The following PLXNA4 variants were observed in gnomAD, a reference collection of about 807,000 sequenced individuals.
PLXNA4 encodes the protein plexin A4.
A neutral mutation model predicts 191.8 loss-of-function variants in PLXNA4; 44 were observed. That is an observed-to-expected ratio of 0.23 (90% CI 0.18 to 0.29). The LOEUF is 0.29. PLXNA4 is among the 10% of genes least tolerant of loss of function. The pLI is 1.00. For synonymous variants in PLXNA4, 1,082 were observed against 1,009.5 expected, an observed-to-expected ratio of 1.07 and a Z score of -1.36; for missense variants, 1,800 against 2,488.8, an observed-to-expected ratio of 0.72 and a Z score of 5.89.
intron 1 of PLXNA4, among the ~76,000 whole-genome samples, chr7:132,537,515 T>C (rs966638745): frequency 1.3e-5 from 2 of 152,244 alleles, no homozygotes; most frequent in African/African-American, 4.8e-5. Context: ...TCAAAAAAGT[T>C]AAGATGTGCT....
intron 1 of PLXNA4, among the ~76,000 whole-genome samples, chr7:132,535,929 G>A (rs1206966969): frequency 1.3e-5 from 2 of 152,120 alleles, no homozygotes; most frequent in African/African-American, 4.8e-5. Context: ...GAAAAACTGG[G>A]GTTTACAGAG....
At chr7:132,311,195 C>CGTGCGT (rs1554411090) in intron 3 of PLXNA4, among the ~76,000 whole-genome samples, 1,290 of 118,818 alleles carry the variant, frequency 0.011, 28 homozygotes, top group African/African-American at 0.04. Flanking sequence ...TGTGTGTGTG[C>CGTGCGT]GCGTGTGGCC....
chr7:132,178,695 A>AACACAC (rs1796558449), intron 20 of PLXNA4, among the ~76,000 whole-genome samples: 1 of 90,798 alleles, frequency 1.1e-5, no homozygotes, highest in Non-Finnish European at 2.1e-5. Context: ...TTGTAAATGA[A>AACACAC]ACACATACAC....
At chr7:132,405,806 C>T (rs980821508) in intron 3 of PLXNA4, among the ~76,000 whole-genome samples, 1 of 152,172 alleles carries the variant, frequency 6.6e-6, no homozygotes, top group Admixed American at 6.5e-5. Flanking sequence ...AAAATTGTTT[C>T]GCTGGAGGCC....
chr7:132,265,899 G>A (rs1394831006), intron 4 of PLXNA4, among the ~76,000 whole-genome samples: 2 of 152,182 alleles, frequency 1.3e-5, no homozygotes, highest in Non-Finnish European at 2.9e-5. Context: ...GAAGAGCAGG[G>A]GAAATGGAGG....
chr7:132,490,219 G>C (rs1797738264), intron 2 of PLXNA4, among the ~76,000 whole-genome samples: 1 of 152,152 alleles, frequency 6.6e-6, no homozygotes, highest in South Asian at 2.1e-4. Flanking sequence ...ACTTCCCAAA[G>C]TGCCATCCAT....
chr7:132,342,464 A>G (rs1183483427), intron 3 of PLXNA4, among the ~76,000 whole-genome samples: 1 of 152,030 alleles, frequency 6.6e-6, no homozygotes, highest in Non-Finnish European at 1.5e-5. Flanking sequence ...ATCACGCTGT[A>G]GACAAGGGTG....
At chr7:132,339,264 C>T (rs1802933719) in intron 3 of PLXNA4, among the ~76,000 whole-genome samples, 1 of 152,248 alleles carries the variant, frequency 6.6e-6, no homozygotes, top group Admixed American at 6.5e-5. Context: ...CTACCTACCT[C>T]TCATTTTGTA....
At chr7:132,214,972 T>C (rs1797920187) in intron 9 of PLXNA4, among the ~76,000 whole-genome samples, 1 of 152,124 alleles carries the variant, frequency 6.6e-6, no homozygotes, top group Non-Finnish European at 1.5e-5. Context: ...AAATGTTTGT[T>C]CTTTCCTCCT....
Position 132,173,594 on chromosome 7 carries a change from G to A in PLXNA4, c.4017+1184C>T, listed in dbSNP as rs368831385. 5.9e-5 allele frequency among the ~76,000 whole-genome samples: 9 copies of A among 152,260 alleles called. No homozygotes were observed. The South Asian group carries it at 8.3e-4, about 14-fold the overall frequency. ...ATGCAACAAGCAAGTATGGAGAAAC[G>A]TGTGTGCCACGAATGCCCCTCTGGA... On this transcript the variant is annotated intron_variant, in intron 21 of 31. Transcript: ENST00000321063.
chr7:132,477,630 A>G (rs1354138959), intron 3 of PLXNA4, among the ~76,000 whole-genome samples: 1 of 152,216 alleles, frequency 6.6e-6, no homozygotes, highest in African/African-American at 2.4e-5. Context: ...AGAAGACCCT[A>G]AGCCCCAGTG....
Position 132,145,955 on chromosome 7 carries a change from G to A in PLXNA4, c.5055+555C>T, listed in dbSNP as rs143031359. 7.2e-3 allele frequency among the ~76,000 whole-genome samples: 1,077 copies of A among 149,756 alleles called. 13 individuals are homozygous for A. The highest frequency in any genetic ancestry group is 0.059 in the Middle Eastern group (17 of 290). On this transcript the variant is annotated intron_variant, in intron 28 of 31. Coordinates refer to ENST00000321063, the MANE Select transcript of PLXNA4 (RefSeq NM_020911.2). Reference sequence around the variant, plus strand: ...AAAAAAATTAGCCAGGCGTGGTGGTGCATGCTTGTAGTTTCAGCTACTTGG... The same window carrying A: ...AAAAAAATTAGCCAGGCGTGGTGGTACATGCTTGTAGTTTCAGCTACTTGG...
intron 2 of PLXNA4, among the ~76,000 whole-genome samples, chr7:132,495,603 T>C (rs1258988280): frequency 2.6e-5 from 4 of 152,176 alleles, no homozygotes; most frequent in Non-Finnish European, 5.9e-5. Context: ...GCAACTCCTG[T>C]GGTCCAGGAG....
In PLXNA4 at chr7:132,193,301, C is replaced by T. The variant is rs555892138; in HGVS notation, c.2856+761G>A. Among the ~76,000 whole-genome samples the T allele has an allele frequency of 6.6e-5, 10 of 152,312 alleles. No homozygotes were observed. The South Asian group carries it at 2.1e-3, about 32-fold the overall frequency. On this transcript the variant is annotated intron_variant, in intron 14 of 31. Transcript: ENST00000321063. ...TCTCCTGACTTTTCGCTTTCTGCCA[C>T]GAGGTGACGCAGCAAGAAGGCACTT...
chr7:132,178,323 G>T (rs1480659038), intron 20 of PLXNA4, among the ~76,000 whole-genome samples: 8 of 152,124 alleles, frequency 5.3e-5, no homozygotes, highest in Admixed American at 1.3e-4. Flanking sequence ...CTAGTGGGGT[G>T]AAGGTGACAA....
intron 3 of PLXNA4, among the ~76,000 whole-genome samples, chr7:132,350,531 T>C (rs977268172): frequency 2.0e-5 from 3 of 151,922 alleles, no homozygotes; most frequent in Middle Eastern, 3.2e-3. Context: ...AATAAAAAAA[T>C]AAAAGAATAC....
intron 1 of PLXNA4, among the ~76,000 whole-genome samples, chr7:132,531,713 C>T (rs1011991148): frequency 2.0e-5 from 3 of 152,212 alleles, no homozygotes; most frequent in Non-Finnish European, 4.4e-5. Context: ...AAGCAGCAGT[C>T]ATTCTTAACA....
At chr7:132,401,285 T>C (rs944247074) in intron 3 of PLXNA4, among the ~76,000 whole-genome samples, 1 of 152,150 alleles carries the variant, frequency 6.6e-6, no homozygotes, top group African/African-American at 2.4e-5. Context: ...TTTATTGCAA[T>C]TGCATGCAAA....
intron 3 of PLXNA4, among the ~76,000 whole-genome samples, chr7:132,375,666 G>A (rs1458926361): frequency 2.6e-5 from 4 of 152,146 alleles, no homozygotes; most frequent in African/African-American, 4.8e-5. Flanking sequence ...GGGAAGAGGA[G>A]GACAGGAAGG....
Sources: allele counts gnomAD v4.1 joint callset (sites outside exome capture counted in the v4.1 genomes callset), GRCh38; gene constraint gnomAD v4.1.1; transcripts MANE v1.5; gene names NCBI Gene and HGNC (gene_info 2026-07-23, HGNC 2026-07-21).